PIEZO2: variants seen among roughly 807,000 people sequenced by gnomAD.
PIEZO2 encodes piezo-type mechanosensitive ion channel component 2.
A neutral mutation model predicts 337.3 loss-of-function variants in PIEZO2; 172 were observed. That is an observed-to-expected ratio of 0.51 (90% CI 0.45 to 0.58). The LOEUF is 0.58. PIEZO2 is among the 20% of genes least tolerant of loss of function. The pLI, the probability that PIEZO2 is intolerant of heterozygous loss-of-function variation, is 0.00. For synonymous variants in PIEZO2, 1,251 were observed against 1,228.5 expected (o/e 1.02, Z -0.38); for missense variants, 3,028 against 3,391.3 (o/e 0.89, Z 2.66).
In PIEZO2 at chr18:10,855,484, C is replaced by A; in HGVS notation, c.786G>T (p.Thr262=). 4.6e-6 allele frequency: 7 copies of A among 1,537,076 alleles called. No individual in the cohort carries two copies. Among genetic ancestry groups the A allele is most frequent in the Non-Finnish European group, 6.1e-6 (7 of 1,146,890 alleles). ...GACAGCTGAACAGCAATGGGTCGAA[C>A]GTCCGGCACCAGGACCACCAGGTGC... ...GLCTWWSWCR[T]FDPLLFSCLC... Residue 262 remains threonine (T), a synonymous_variant, in exon 7 of 56, where the codon ACG becomes ACT. Coordinates refer to ENST00000674853, the MANE Select transcript of PIEZO2 (RefSeq NM_001378183.1). This position sits in a 1 kb window ranked among gnomAD's most constrained non-coding sequence, Gnocchi z 4.9.
At chr18:10,777,140 A>C (rs2038819545) in intron 18 of PIEZO2, among the ~76,000 whole-genome samples, 1 of 152,188 alleles carries the variant, frequency 6.6e-6, no homozygotes, top group Non-Finnish European at 1.5e-5. Flanking sequence ...CTCCACAGGA[A>C]GTGCATTTCT....
chr18:11,060,599 C>A (rs2037912295), intron 2 of PIEZO2, among the ~76,000 whole-genome samples: 1 of 152,180 alleles, frequency 6.6e-6, no homozygotes, highest in South Asian at 2.1e-4. Flanking sequence ...CACGGAAATA[C>A]AAACTACCAT....
At position 10,952,488 on chromosome 18, in the gene PIEZO2, T is replaced by C. The variant is rs1025755126; in HGVS notation, c.286+27047A>G. 2.6e-5 allele frequency among the ~76,000 whole-genome samples: 4 copies of C among 152,208 alleles called. No homozygotes were observed. Among genetic ancestry groups the C allele is most frequent in the Non-Finnish European group, 5.9e-5 (4 of 68,030 alleles). On this transcript the variant is annotated intron_variant, in intron 3 of 55. Coordinates refer to ENST00000674853, the MANE Select transcript of PIEZO2 (RefSeq NM_001378183.1). This position sits in a 1 kb window ranked among gnomAD's most constrained non-coding sequence, Gnocchi z 4.1. The stretch of plus-strand genomic sequence containing the variant: ...TATAGTATGTAGCATTCTGATACTG[T>C]CTGAATTCACTTAACATAATGCTGA...
At chr18:11,095,463 G>T (rs1332819928) in intron 1 of PIEZO2, among the ~76,000 whole-genome samples, 1 of 152,152 alleles carries the variant, frequency 6.6e-6, no homozygotes, top group Non-Finnish European at 1.5e-5. Flanking sequence ...CCCCAAGTCA[G>T]ACCTCAGTTA....
intron 7 of PIEZO2, among the ~76,000 whole-genome samples, chr18:10,835,764 G>A (rs1402491193): frequency 1.3e-5 from 2 of 152,172 alleles, no homozygotes; most frequent in Non-Finnish European, 2.9e-5. Flanking sequence ...GGCTGGTCTC[G>A]AACTCCTGAC....
rs1428256535 is a variant in PIEZO2 at position 10,969,280 on chromosome 18, C to T, written c.286+10255G>A. On this transcript the variant is annotated intron_variant, in intron 3 of 55. Transcript: ENST00000674853. This position sits in a 1 kb window ranked among gnomAD's most constrained non-coding sequence, Gnocchi z 4.5. ...ACACTAGAAATGCTGCATCATGAAG[C>T]TGAGGTTAGAGAATTTGTTATTTAA... is the stretch of plus-strand genomic sequence containing the variant. Among the ~76,000 whole-genome samples the T allele has an allele frequency of 6.6e-6, 1 of 152,168 alleles. No individual in the cohort carries two copies. Among genetic ancestry groups the T allele is most frequent in the East Asian group, 1.9e-4 (1 of 5,198 alleles).
intron 1 of PIEZO2, among the ~76,000 whole-genome samples, chr18:11,081,115 T>G (rs1188010207): frequency 6.6e-6 from 1 of 152,176 alleles, no homozygotes; most frequent in Non-Finnish European, 1.5e-5. Context: ...ATGAACCTCT[T>G]TCTGCCACAA....
rs576540671 is a variant in PIEZO2 at position 11,028,480 on chromosome 18, C to T, written c.160+37647G>A. Reference sequence around the variant, plus strand: ...TTCACCATGCTGGCCAGGCTGGTCCCGAACTCCTGACCTCAGATGATCCGC... The same window carrying T: ...TTCACCATGCTGGCCAGGCTGGTCCTGAACTCCTGACCTCAGATGATCCGC... On this transcript the variant is annotated intron_variant, in intron 2 of 55. Transcript: ENST00000674853. This position sits in a 1 kb window ranked among gnomAD's most constrained non-coding sequence, Gnocchi z 4.8. 1.2e-4 allele frequency among the ~76,000 whole-genome samples: 18 copies of T among 152,124 alleles called. No homozygotes were observed. Among genetic ancestry groups the T allele is most frequent in the East Asian group, 3.9e-4 (2 of 5,146 alleles).
At position 11,112,360 on chromosome 18, in the gene PIEZO2, C is replaced by T. The variant is rs2039760680; in HGVS notation, c.64+36165G>A. ...CTGATCCACCCATTTAAGTAAAGGC[C>T]TGGTCCAGTCATTCTGAGAACAACC... On this transcript the variant is annotated intron_variant, in intron 1 of 55. Coordinates refer to ENST00000674853, the MANE Select transcript of PIEZO2 (RefSeq NM_001378183.1). The surrounding 1 kb of genome is among the most constrained non-coding windows in gnomAD (Gnocchi z 4.3). 6.6e-6 allele frequency among the ~76,000 whole-genome samples: 1 copy of T among 152,138 alleles called. No homozygotes were observed. The highest frequency in any genetic ancestry group is 1.5e-5 in the Non-Finnish European group (1 of 68,024).
In PIEZO2 at chr18:11,078,474, G is replaced by A. The variant is rs553862362; in HGVS notation, c.65-12252C>T. Among the ~76,000 whole-genome samples the A allele has an allele frequency of 5.3e-5, 8 of 152,234 alleles. No homozygotes were observed. Among genetic ancestry groups the A allele is most frequent in the East Asian group, 3.9e-4 (2 of 5,182 alleles). On this transcript the variant is annotated intron_variant, in intron 1 of 55. Coordinates refer to ENST00000674853, the MANE Select transcript of PIEZO2 (RefSeq NM_001378183.1). The surrounding 1 kb of genome is among the most constrained non-coding windows in gnomAD (Gnocchi z 5.3). The stretch of plus-strand genomic sequence containing the variant: ...TTACATCTTAACAACTAATACAGCC[G>A]TAAATTGATTAAAATTACTGTTTTA...
At chr18:10,879,094 G>A (rs1033368747) in intron 4 of PIEZO2, among the ~76,000 whole-genome samples, 2 of 152,196 alleles carry the variant, frequency 1.3e-5, no homozygotes, top group African/African-American at 4.8e-5. Flanking sequence ...ACAGTGCATA[G>A]CATAAATATG....
chr18:10,966,764 C>T lies in PIEZO2; in HGVS notation c.286+12771G>A, dbSNP rs145005181. Among the ~76,000 whole-genome samples, 131 of 152,202 alleles carry T rather than the reference C, an allele frequency of 8.6e-4. 3 individuals are homozygous for T. The East Asian group carries it at 0.016, about 19-fold the overall frequency. ...ACCCAATGTGTTGTCTTTTATCCCTCACCCACCTCCTGCCCTTTCCCCCGA... is the reference window on the plus strand; with the variant it reads ...ACCCAATGTGTTGTCTTTTATCCCTTACCCACCTCCTGCCCTTTCCCCCGA... On this transcript the variant is annotated intron_variant, in intron 3 of 55. Coordinates refer to ENST00000674853, the MANE Select transcript of PIEZO2 (RefSeq NM_001378183.1).
rs1386195554 is a variant in PIEZO2 at position 11,125,322 on chromosome 18, T to G, written c.64+23203A>C. On this transcript the variant is annotated intron_variant, in intron 1 of 55. Transcript: ENST00000674853. The surrounding 1 kb of genome is among the most constrained non-coding windows in gnomAD (Gnocchi z 4.4). Reference sequence around the variant, plus strand: ...CTACGATGTGTCCGACAAAAGACAGTGCTGTTAAGTCATCAGCATTGTTAC... The same window carrying G: ...CTACGATGTGTCCGACAAAAGACAGGGCTGTTAAGTCATCAGCATTGTTAC... Among the ~76,000 whole-genome samples the G allele has an allele frequency of 6.6e-6, 1 of 152,246 alleles. No individual in the cohort carries two copies. Among genetic ancestry groups the G allele is most frequent in the Non-Finnish European group, 1.5e-5 (1 of 68,042 alleles).
intron 2 of PIEZO2, among the ~76,000 whole-genome samples, chr18:11,007,549 A>G (rs973812850): frequency 6.6e-6 from 1 of 152,202 alleles, no homozygotes; most frequent in Non-Finnish European, 1.5e-5. Context: ...AAAGAAAAAA[A>G]TCACTCGTAG....
intron 3 of PIEZO2, among the ~76,000 whole-genome samples, chr18:10,915,615 C>G (rs1461734602): frequency 6.6e-6 from 1 of 152,154 alleles, no homozygotes; most frequent in African/African-American, 2.4e-5. Flanking sequence ...TAGGTGCTAG[C>G]TTCCTATATA....
intron 43 of PIEZO2, 30 bp downstream of exon 43, chr18:10,701,959 T>G (rs777998715): frequency 1.4e-5 from 21 of 1,491,766 alleles, no homozygotes; most frequent in Non-Finnish European, 1.9e-5. Flanking sequence ...GATGACCAAC[T>G]TGAACTGATT....
At chr18:10,760,783 G>A (rs545346036) in intron 24 of PIEZO2, 128 bp downstream of exon 24, 1 of 809,772 alleles carries the variant, frequency 1.2e-6, no homozygotes, top group Admixed American at 2.7e-5. Flanking sequence ...AATACTTTCT[G>A]TTCTTCTCAA....
At chr18:10,693,285 T>C (rs1421866671) in intron 47 of PIEZO2, among the ~76,000 whole-genome samples, 1 of 152,140 alleles carries the variant, frequency 6.6e-6, no homozygotes, top group Non-Finnish European at 1.5e-5. Context: ...TTATTGTAGA[T>C]TCCACCGGAT....
At chr18:11,006,125 G>C (rs2035711644) in intron 2 of PIEZO2, among the ~76,000 whole-genome samples, 1 of 152,150 alleles carries the variant, frequency 6.6e-6, no homozygotes, top group Non-Finnish European at 1.5e-5. Flanking sequence ...GGTCATCCAA[G>C]CTAAAATGCG....
Sources: allele counts gnomAD v4.1 joint callset (sites outside exome capture counted in the v4.1 genomes callset), GRCh38; gene constraint gnomAD v4.1.1; non-coding constraint Gnocchi (gnomAD v3.1); transcripts MANE v1.5; gene names NCBI Gene and HGNC (gene_info 2026-07-23, HGNC 2026-07-21).